Variants in SLC8A1 observed in about 807,000 individuals in gnomAD.
The protein encoded by SLC8A1 is sodium/calcium exchanger 1.
SLC8A1 carries 18 observed loss-of-function variants against 68.3 expected under a neutral mutation model. The ratio of observed to expected loss-of-function variants is 0.26; its 90% CI spans 0.18 to 0.39. The LOEUF (loss-of-function observed/expected upper bound fraction) is 0.39. Among genes scored for constraint, SLC8A1 ranks in the 10% least tolerant of loss-of-function variants. SLC8A1 has a pLI of 1.00. For synonymous variants in SLC8A1, 475 were observed against 415.5 expected, an observed-to-expected ratio of 1.14 and a Z score of -1.74; for missense variants, 985 against 1,156.7, an observed-to-expected ratio of 0.85 and a Z score of 2.15.
chr2:40,241,755 C>G (rs1235110227), intron 2 of SLC8A1, among the ~76,000 whole-genome samples: 2 of 152,144 alleles, frequency 1.3e-5, no homozygotes, highest in African/African-American at 4.8e-5. Flanking sequence ...ACTCCACAGG[C>G]TTTGAGAGTG....
At chr2:40,229,692 A>G (rs945606292) in intron 2 of SLC8A1, among the ~76,000 whole-genome samples, 5 of 127,128 alleles carry the variant, frequency 3.9e-5, no homozygotes, top group Non-Finnish European at 7.7e-5. Context: ...TCCTCCAAAC[A>G]TAACCTAACA....
At position 40,238,189 on chromosome 2, in the gene SLC8A1, C is replaced by T. The variant is rs957772984; in HGVS notation, c.1809-60334G>A. Among the ~76,000 whole-genome samples the T allele has an allele frequency of 2.9e-3, 443 of 151,782 alleles. 2 individuals carry two copies. Among genetic ancestry groups the T allele is most frequent in the African/African-American group, 9.6e-3 (398 of 41,532 alleles). On this transcript the variant is annotated intron_variant, in intron 2 of 7. Transcript: ENST00000406785. ...CTAATCAAGCCTGGGCAATGGCGGGCGCCCCTCCCCCAGCCTCGCTGCCGC... is the reference window on the plus strand; with the variant it reads ...CTAATCAAGCCTGGGCAATGGCGGGTGCCCCTCCCCCAGCCTCGCTGCCGC...
chr2:40,289,098 TC>T (rs1404100963), intron 2 of SLC8A1, among the ~76,000 whole-genome samples: 2 of 151,926 alleles, frequency 1.3e-5, no homozygotes, highest in Non-Finnish European at 2.9e-5. Flanking sequence ...GATGACTGAT[TC>T]TTTTTTTTTT....
chr2:40,178,337 G>T, intron 2 of SLC8A1, 50 bp downstream of exon 3: 1 of 1,395,382 alleles, frequency 7.2e-7, no homozygotes, highest in Non-Finnish European at 1.0e-6. Context: ...TCCAGGGGTG[G>T]CACAGGCCAG....
At position 40,247,156 on chromosome 2, in the gene SLC8A1, T is replaced by C. The variant is rs112286028; in HGVS notation, c.1809-69301A>G. ...GAGTTGGCACCTTGGAATCAACTCTTAGCCATCTGAAGGCTTTGAGCCTTG... is the reference window on the plus strand; with the variant it reads ...GAGTTGGCACCTTGGAATCAACTCTCAGCCATCTGAAGGCTTTGAGCCTTG... On this transcript the variant is annotated intron_variant, in intron 2 of 7. Coordinates refer to ENST00000406785, the Ensembl canonical transcript of SLC8A1. Among the ~76,000 whole-genome samples, 317 of 152,264 alleles carry C rather than the reference T, an allele frequency of 2.1e-3. 2 individuals carry two copies. The highest frequency in any genetic ancestry group is 7.2e-3 in the African/African-American group (299 of 41,546).
chr2:40,179,694 G>T (rs1333893386), intron 2 of SLC8A1, among the ~76,000 whole-genome samples: 1 of 152,084 alleles, frequency 6.6e-6, no homozygotes, highest in African/African-American at 2.4e-5. Context: ...AGTTTTTTAG[G>T]TCTTCTGGAA....
chr2:40,115,206 A>G, exon 8 of SLC8A1: 6 of 1,222,570 alleles, frequency 4.9e-6, no homozygotes, highest in Non-Finnish European at 6.4e-6. Context: ...CATAATTTTT[A>G]TGTATATATA....
chr2:40,413,220 A>C (rs1484562230), intron 2 of SLC8A1, among the ~76,000 whole-genome samples: 1 of 152,212 alleles, frequency 6.6e-6, no homozygotes, highest in Non-Finnish European at 1.5e-5. Flanking sequence ...TAGAACTAGA[A>C]ATACCATTTG....
intron 1 of SLC8A1, among the ~76,000 whole-genome samples, chr2:40,440,278 G>C (rs541362387): frequency 3.3e-5 from 5 of 152,158 alleles, no homozygotes; most frequent in Admixed American, 2.6e-4. Flanking sequence ...TGACAGATGA[G>C]GATTATAATA....
chr2:40,444,362 A>T (rs58370858), intron 1 of SLC8A1, among the ~76,000 whole-genome samples: 107 of 152,232 alleles, frequency 7.0e-4, no homozygotes, highest in African/African-American at 2.3e-3. Context: ...TTAAAAAGTC[A>T]TCTGTCTCCC....
At chr2:40,163,328 A>G (rs1158004622) in intron 5 of SLC8A1, among the ~76,000 whole-genome samples, 1 of 152,180 alleles carries the variant, frequency 6.6e-6, no homozygotes, top group Non-Finnish European at 1.5e-5. Flanking sequence ...AAGGTCTGAG[A>G]TCATCCCATA....
chr2:40,269,315 A>G (rs1053625246), intron 2 of SLC8A1, among the ~76,000 whole-genome samples: 8 of 152,230 alleles, frequency 5.3e-5, no homozygotes, highest in African/African-American at 1.7e-4. Flanking sequence ...ATTAAGGCCA[A>G]TGCTTTTGTA....
chr2:40,460,335 T>C (rs1279003388), intron 1 of SLC8A1, among the ~76,000 whole-genome samples: 1 of 152,122 alleles, frequency 6.6e-6, no homozygotes, highest in Non-Finnish European at 1.5e-5. Context: ...AACAGATAGA[T>C]CAATAAATAT....
At chr2:40,110,722 T>G (rs1230647512) in exon 8 of SLC8A1, 3 of 152,164 alleles carry the variant, frequency 2.0e-5, no homozygotes, top group Non-Finnish European at 4.4e-5. Flanking sequence ...TGCATGCAAC[T>G]GCCCAAAATC....
chr2:40,410,628 G>A (rs1440093219), intron 2 of SLC8A1, among the ~76,000 whole-genome samples: 1 of 151,924 alleles, frequency 6.6e-6, no homozygotes, highest in Non-Finnish European at 1.5e-5. Flanking sequence ...ATATTTTGAA[G>A]TATATGTACA....
intron 2 of SLC8A1, among the ~76,000 whole-genome samples, chr2:40,199,709 C>A (rs1017909565): frequency 2.0e-5 from 3 of 151,676 alleles, no homozygotes; most frequent in Non-Finnish European, 4.4e-5. Context: ...AACACAATTA[C>A]AAAAACTCAG....
chr2:40,353,958 G>T (rs542064953), intron 2 of SLC8A1, among the ~76,000 whole-genome samples: 1 of 152,268 alleles, frequency 6.6e-6, no homozygotes, highest in East Asian at 1.9e-4. Flanking sequence ...TACCTACAAG[G>T]CACACAGTAA....
At chr2:40,237,884 C>T (rs1265747823) in intron 2 of SLC8A1, among the ~76,000 whole-genome samples, 1 of 152,058 alleles carries the variant, frequency 6.6e-6, no homozygotes, top group East Asian at 1.9e-4. Flanking sequence ...TCAGTGTGCC[C>T]CTGCTGGGGG....
chr2:40,166,219 A>G (rs1347595901), intron 4 of SLC8A1, among the ~76,000 whole-genome samples: 1 of 152,154 alleles, frequency 6.6e-6, no homozygotes, highest in Non-Finnish European at 1.5e-5. Context: ...TGGTGGCTCC[A>G]TTGTTGCTTT....
Sources: gnomAD v4.1 joint callset for allele counts (sites outside exome capture counted in the v4.1 genomes callset) on GRCh38, gnomAD v4.1.1 for gene constraint, MANE v1.5 for transcripts, NCBI Gene and HGNC (gene_info 2026-07-23, HGNC 2026-07-21) for gene names.